The following TRPC4AP variants were observed in gnomAD, a reference collection of about 807,000 sequenced individuals.
TRPC4AP encodes the protein transient receptor potential cation channel subfamily C member 4 associated protein.
Under a neutral mutation model 99.0 loss-of-function variants are expected in TRPC4AP, and 45 were observed. That is an observed-to-expected ratio of 0.45 (90% CI 0.36 to 0.58). The LOEUF is 0.58. Among genes scored for constraint, TRPC4AP ranks in the 20% least tolerant of loss-of-function variants. The pLI is 0.00. For synonymous variants in TRPC4AP, 408 were observed against 385.8 expected, an observed-to-expected ratio of 1.06 and a Z score of -0.67; for missense variants, 879 against 985.3, an observed-to-expected ratio of 0.89 and a Z score of 1.44.
In TRPC4AP at chr20:35,052,354, A is replaced by G. The variant is rs73273864; in HGVS notation, c.529-2360T>C. 4.7e-4 allele frequency among the ~76,000 whole-genome samples: 72 copies of G among 152,116 alleles called. 1 individual carries two copies. Among genetic ancestry groups the G allele is most frequent in the African/African-American group, 1.6e-3 (65 of 41,478 alleles). ...CACAATTCTCCTGCCTCGGCCTATC[A>G]AAGTGTTGAGATTATAGGTGTGAGC... On this transcript the variant is annotated intron_variant, in intron 5 of 18. Transcript: ENST00000252015.
At chr20:35,074,425 C>CT (rs879256120) in intron 2 of TRPC4AP, among the ~76,000 whole-genome samples, 1 of 152,220 alleles carries the variant, frequency 6.6e-6, no homozygotes, top group Non-Finnish European at 1.5e-5. Flanking sequence ...AAATTTCCCT[C>CT]TACACACTGC....
intron 2 of TRPC4AP, among the ~76,000 whole-genome samples, chr20:35,075,640 T>C (rs1284521341): frequency 6.6e-6 from 1 of 152,254 alleles, no homozygotes; most frequent in Non-Finnish European, 1.5e-5. Flanking sequence ...GTTAGTCTGA[T>C]GGGCTTCCCT....
At position 35,015,864 on chromosome 20, in the gene TRPC4AP, G is replaced by T. The variant is rs565206434; in HGVS notation, c.1350+144C>A. ...TTCACTCAGATCCTACTCCAAGGTA[G>T]CTTCCAATTAGGGGACTATAAGATA... is the stretch of plus-strand genomic sequence containing the variant. On this transcript the variant is annotated intron_variant, in intron 10 of 18. Transcript: ENST00000252015. 8.0e-6 allele frequency: 8 copies of T among 1,006,260 alleles called. No homozygotes were observed. In the East Asian group the frequency reaches 2.1e-4, roughly 26 times the overall value. 62.3% of individuals were successfully genotyped at this position (1,006,260 alleles called of 1,614,324 possible). A position where few individuals can be genotyped will look rare whatever the true frequency, so the allele number is the denominator to read the frequency against.
intron 1 of TRPC4AP, among the ~76,000 whole-genome samples, chr20:35,083,872 C>A (rs947595469): frequency 6.6e-6 from 1 of 151,718 alleles, no homozygotes; most frequent in Admixed American, 6.6e-5. Context: ...CCCAAGAACT[C>A]AGCTGTATAG....
At chr20:35,023,917 GC>G (rs2147303855) in intron 8 of TRPC4AP, among the ~76,000 whole-genome samples, 1 of 152,350 alleles carries the variant, frequency 6.6e-6, no homozygotes, top group East Asian at 1.9e-4. Flanking sequence ...GCTTGCGCAG[GC>G]CTGACAAGAC....
chr20:35,062,916 A>G (rs985148403), intron 3 of TRPC4AP, among the ~76,000 whole-genome samples: 1 of 152,226 alleles, frequency 6.6e-6, no homozygotes, highest in African/African-American at 2.4e-5. Flanking sequence ...CAGTTATAGA[A>G]GCTAGACATA....
chr20:35,080,342 A>G (rs2084601554), intron 1 of TRPC4AP, among the ~76,000 whole-genome samples: 1 of 151,918 alleles, frequency 6.6e-6, no homozygotes, highest in South Asian at 2.1e-4. Context: ...CTCTACAAAA[A>G]AAAAAAAAAT....
intron 1 of TRPC4AP, among the ~76,000 whole-genome samples, chr20:35,083,911 G>A (rs1012395383): frequency 6.6e-6 from 1 of 151,206 alleles, no homozygotes; most frequent in Non-Finnish European, 1.5e-5. Context: ...AAACTAAACT[G>A]CTAAACTGCT....
chr20:35,077,197 C>G (rs2084503300), intron 2 of TRPC4AP, among the ~76,000 whole-genome samples: 1 of 152,282 alleles, frequency 6.6e-6, no homozygotes, highest in South Asian at 2.1e-4. Context: ...GGAATTCCCC[C>G]ACCCCTTGCG....
intron 11 of TRPC4AP, among the ~76,000 whole-genome samples, chr20:35,011,594 C>T (rs1291362837): frequency 1.3e-5 from 2 of 152,060 alleles, no homozygotes; most frequent in African/African-American, 4.8e-5. Flanking sequence ...TCTAAGTGGA[C>T]CATCTGTATA....
rs1446666181 is a variant in TRPC4AP, at chr20:35,059,697, AAAG to A, written c.415-2129_415-2127del. Among the ~76,000 whole-genome samples the A allele has an allele frequency of 6.7e-4, 97 of 145,220 alleles. 1 individual carries two copies. Among genetic ancestry groups the A allele is most frequent in the Non-Finnish European group, 1.2e-3 (78 of 66,502 alleles). Reference sequence around the variant, plus strand: ...AAGAAGAAGAAGAAGGAAGAAGAAGAAAGAAGAAGAAATAAGAAGAAGAAGAAG... The same window carrying A: ...AAGAAGAAGAAGAAGGAAGAAGAAGAAAGAAGAAATAAGAAGAAGAAGAAG... On this transcript the variant is annotated intron_variant, in intron 3 of 18. Transcript: ENST00000252015.
intron 1 of TRPC4AP, 126 bp downstream of exon 1, chr20:35,092,488 A>T: frequency 8.7e-7 from 1 of 1,148,112 alleles, no homozygotes; most frequent in Non-Finnish European, 1.2e-6. Context: ...GCTCACAGGG[A>T]GGCCTTCCGG....
At chr20:35,077,972 G>GAA in intron 2 of TRPC4AP, 74 bp downstream of exon 2, 62 of 1,306,400 alleles carry the variant, frequency 4.7e-5, no homozygotes, top group South Asian at 1.2e-4. Flanking sequence ...CAACGGAAGG[G>GAA]AAAAAAAAAA....
At chr20:35,062,410 C>T (rs922628105) in intron 3 of TRPC4AP, among the ~76,000 whole-genome samples, 2 of 151,922 alleles carry the variant, frequency 1.3e-5, no homozygotes, top group African/African-American at 2.4e-5. Context: ...TAATAATAGC[C>T]AAAAGTGGGA....
chr20:35,057,667 C>G (rs1047281575), intron 3 of TRPC4AP, 96 bp from the exon 4 acceptor site: 11 of 998,972 alleles, frequency 1.1e-5, no homozygotes, highest in Non-Finnish European at 1.7e-5. Flanking sequence ...GTATCTGTCA[C>G]AGTATTACAA....
At chr20:35,086,575 G>GTGTGTATATA (rs1555919531) in intron 1 of TRPC4AP, among the ~76,000 whole-genome samples, 4 of 89,786 alleles carry the variant, frequency 4.5e-5, no homozygotes, top group Admixed American at 2.4e-4. Flanking sequence ...GTGTGTGTGT[G>GTGTGTATATA]TATATATATA....
rs2082629003 is a variant in TRPC4AP, at chr20:35,011,240, G to C, written c.1410-952C>G. Among the ~76,000 whole-genome samples the C allele has an allele frequency of 1.3e-5, 2 of 152,274 alleles. 1 individual carries two copies. Among genetic ancestry groups the C allele is most frequent in the South Asian group, 4.1e-4 (2 of 4,822 alleles). ...CCACTGCACTCCAGCCTGGGCAATA[G>C]AGCAAGATTCCGTCTTGAAAAAAAG... On this transcript the variant is annotated intron_variant, in intron 11 of 18. Coordinates refer to ENST00000252015, the MANE Select transcript of TRPC4AP (RefSeq NM_015638.3).
At chr20:35,030,241 C>CAA (rs572401085) in intron 8 of TRPC4AP, 6,275 of 111,418 alleles carry the variant, frequency 0.056, 529 homozygotes, top group African/African-American at 0.17. Context: ...AACTCCATAT[C>CAA]AAAAAAAAAA....
At chr20:35,008,150 C>T (rs953082462) in intron 13 of TRPC4AP, among the ~76,000 whole-genome samples, 1 of 152,168 alleles carries the variant, frequency 6.6e-6, no homozygotes, top group Non-Finnish European at 1.5e-5. Context: ...GACAAAGGCC[C>T]ATGTGGGCAT....
Sources: allele counts gnomAD v4.1 joint callset (sites outside exome capture counted in the v4.1 genomes callset), GRCh38; gene constraint gnomAD v4.1.1; transcripts MANE v1.5; gene names NCBI Gene and HGNC (gene_info 2026-07-23, HGNC 2026-07-21).